BMP5: variants seen among roughly 807,000 people sequenced by gnomAD.
BMP5 encodes the protein bone morphogenetic protein 5.
BMP5 carries 23 observed loss-of-function variants against 46.6 expected under a neutral mutation model. The ratio of observed to expected loss-of-function variants is 0.49; its 90% CI spans 0.35 to 0.70. BMP5 has a LOEUF of 0.70. Among genes scored for constraint, BMP5 ranks in the 30% least tolerant of loss-of-function variants. The pLI, the probability that BMP5 is intolerant of heterozygous loss-of-function variation, is 0.00. For synonymous variants in BMP5, 204 were observed against 191.9 expected, an observed-to-expected ratio of 1.06 and a Z score of -0.52; for missense variants, 545 against 565.6, an observed-to-expected ratio of 0.96 and a Z score of 0.37.
At chr6:55,765,395 A>C (rs1007057936) in intron 4 of BMP5, among the ~76,000 whole-genome samples, 1 of 152,202 alleles carries the variant, frequency 6.6e-6, no homozygotes, top group African/African-American at 2.4e-5. Flanking sequence ...GCAAAAGAGG[A>C]GATGTTAGTG....
At chr6:55,858,535 A>C (rs1245920125) in intron 1 of BMP5, among the ~76,000 whole-genome samples, 5 of 152,238 alleles carry the variant, frequency 3.3e-5, no homozygotes, top group Non-Finnish European at 7.3e-5. Context: ...CAAATAAAAG[A>C]GTATGTTTTA....
intron 1 of BMP5, among the ~76,000 whole-genome samples, chr6:55,823,640 T>C (rs1776461926): frequency 6.6e-6 from 1 of 152,010 alleles, no homozygotes; most frequent in Non-Finnish European, 1.5e-5. Flanking sequence ...TTCTGAATAT[T>C]GTTTTGTTTT....
intron 1 of BMP5, among the ~76,000 whole-genome samples, chr6:55,849,229 C>A (rs1777163406): frequency 1.3e-5 from 2 of 151,990 alleles, no homozygotes; most frequent in Admixed American, 1.3e-4. Flanking sequence ...TTATAGAGTT[C>A]ATATTCTACC....
At chr6:55,835,874 G>A (rs1050681875) in intron 1 of BMP5, among the ~76,000 whole-genome samples, 7 of 152,142 alleles carry the variant, frequency 4.6e-5, no homozygotes, top group African/African-American at 1.7e-4. Flanking sequence ...ATTTAAATGT[G>A]AAACTAAAGT....
At chr6:55,849,979 C>T in intron 1 of BMP5, among the ~76,000 whole-genome samples, 1 of 152,054 alleles carries the variant, frequency 6.6e-6, no homozygotes, top group East Asian at 1.9e-4. Context: ...TGTGCTTAAA[C>T]AGCATTTTGA....
chr6:55,779,206 G>A (rs1273504444), intron 3 of BMP5, among the ~76,000 whole-genome samples: 1 of 151,992 alleles, frequency 6.6e-6, no homozygotes, highest in Non-Finnish European at 1.5e-5. Context: ...ACATTCATTT[G>A]AGGATTTATC....
At chr6:55,792,664 T>C (rs1023813945) in intron 3 of BMP5, among the ~76,000 whole-genome samples, 2 of 152,152 alleles carry the variant, frequency 1.3e-5, no homozygotes, top group African/African-American at 4.8e-5. Flanking sequence ...TCGGTAATGG[T>C]ATTATCCATA....
chr6:55,817,776 A>G (rs1776312216), intron 2 of BMP5, among the ~76,000 whole-genome samples: 1 of 152,078 alleles, frequency 6.6e-6, no homozygotes, highest in Admixed American at 6.5e-5. Context: ...TAAAATAAAA[A>G]AGAAATCTGC....
intron 1 of BMP5, among the ~76,000 whole-genome samples, chr6:55,872,727 G>T (rs1777814698): frequency 1.3e-5 from 2 of 151,624 alleles, no homozygotes; most frequent in Non-Finnish European, 3.0e-5. Flanking sequence ...ACATACATAT[G>T]CTTCTTTGTC....
intron 2 of BMP5, among the ~76,000 whole-genome samples, chr6:55,808,797 C>T (rs1426951892): frequency 1.3e-5 from 2 of 152,160 alleles, no homozygotes; most frequent in African/African-American, 2.4e-5. Context: ...CACCAGCTGC[C>T]CAGTCAGTTC....
intron 2 of BMP5, among the ~76,000 whole-genome samples, chr6:55,818,943 T>TAGAC (rs559321111): frequency 0.014 from 2,092 of 150,858 alleles, 39 homozygotes; most frequent in African/African-American, 0.04. Context: ...GATAGATAGA[T>TAGAC]AGACAGACAG....
chr6:55,874,577 A>T lies in BMP5; in HGVS notation c.289T>A (p.Ser97Thr). Residue 97 changes from serine (S) to threonine (T), a missense_variant, in exon 1 of 7, where the codon TCG becomes ACG. Transcript: ENST00000370830. ...AMTNEENPEE[S>T]EYSVRASLAE... ...AAGGATGCCCTTACTGAGTACTCCG[A>T]CTCTTCAGGATTTTCTTCATTGGTC... 6.2e-7 allele frequency: 1 copy of T among 1,612,724 alleles called. No individual in the cohort carries two copies. The highest frequency in any genetic ancestry group is 8.5e-7 in the Non-Finnish European group (1 of 1,179,540).
intron 3 of BMP5, among the ~76,000 whole-genome samples, chr6:55,777,713 G>C (rs1351224861): frequency 6.6e-6 from 1 of 151,974 alleles, no homozygotes; most frequent in East Asian, 1.9e-4. Flanking sequence ...TTAAGAAAAA[G>C]ATGAGCTGCA....
At chr6:55,774,319 A>T in intron 3 of BMP5, 76 bp from the exon 4 acceptor site, 1 of 1,433,970 alleles carries the variant, frequency 7.0e-7, no homozygotes, top group Non-Finnish European at 9.8e-7. Flanking sequence ...TTCTGAGGGT[A>T]CTTTGAAAAG....
chr6:55,769,202 A>C (rs1034933107), intron 4 of BMP5, among the ~76,000 whole-genome samples: 10 of 151,930 alleles, frequency 6.6e-5, no homozygotes. Context: ...TTCTTTGTGT[A>C]GTGTGCAAGG....
chr6:55,870,748 C>A (rs938726886), intron 1 of BMP5, among the ~76,000 whole-genome samples: 1 of 152,034 alleles, frequency 6.6e-6, no homozygotes, highest in Non-Finnish European at 1.5e-5. Flanking sequence ...ACCAAGAGAA[C>A]TTAATGATTA....
chr6:55,814,296 C>T (rs999301170), intron 2 of BMP5, among the ~76,000 whole-genome samples: 8 of 151,876 alleles, frequency 5.3e-5, no homozygotes, highest in African/African-American at 1.9e-4. Context: ...AATTTTTTGC[C>T]ATTATGTATA....
intron 1 of BMP5, among the ~76,000 whole-genome samples, chr6:55,872,874 T>G (rs924410845): frequency 5.3e-5 from 8 of 151,850 alleles, no homozygotes; most frequent in Non-Finnish European, 8.9e-5. Flanking sequence ...CAAAGCAAAA[T>G]GTACCACAAG....
At chr6:55,769,712 A>G (rs1694539881) in intron 4 of BMP5, among the ~76,000 whole-genome samples, 1 of 151,944 alleles carries the variant, frequency 6.6e-6, no homozygotes, top group Admixed American at 6.6e-5. Context: ...GAAGCTGTAG[A>G]ATTACAAAAT....
Sources: gnomAD v4.1 joint callset for allele counts (sites outside exome capture counted in the v4.1 genomes callset) on GRCh38, gnomAD v4.1.1 for gene constraint, MANE v1.5 for transcripts, NCBI Gene and HGNC (gene_info 2026-07-23, HGNC 2026-07-21) for gene names.